Variants in AFF3 observed in about 807,000 individuals in gnomAD.
AFF3 encodes ALF transcription elongation factor 3, also known as AF4/FMR2 family member 3.
Under a neutral mutation model 129.7 loss-of-function variants are expected in AFF3, and 32 were observed. The ratio of observed to expected loss-of-function variants is 0.25; its 90% CI spans 0.19 to 0.33. The LOEUF is 0.33. AFF3 is among the 10% of genes least tolerant of loss of function. The pLI is 1.00. For missense variants in AFF3, 1,373 were observed against 1,592.0 expected (o/e 0.86, Z 2.34); for synonymous variants, 644 against 635.4 (o/e 1.01, Z -0.20).
chr2:100,119,028 CT>C (rs1229109577), intron 2 of AFF3, among the ~76,000 whole-genome samples: 2 of 152,158 alleles, frequency 1.3e-5, no homozygotes, highest in African/African-American at 4.8e-5. Flanking sequence ...CATGAACCCC[CT>C]GACCTCAGGT....
At chr2:99,620,861 T>G (rs1681932355) in intron 13 of AFF3, among the ~76,000 whole-genome samples, 1 of 152,246 alleles carries the variant, frequency 6.6e-6, no homozygotes, top group East Asian at 1.9e-4. Flanking sequence ...CCTCCTCCTC[T>G]TCTCCCTCTT....
chr2:99,584,329 G>A (rs1677878245), intron 16 of AFF3, among the ~76,000 whole-genome samples: 2 of 152,218 alleles, frequency 1.3e-5, no homozygotes, highest in South Asian at 4.1e-4. Flanking sequence ...TTAGCCGGGT[G>A]TGGTGGCGCA....
chr2:99,592,307 C>T (rs1295199719), intron 15 of AFF3, among the ~76,000 whole-genome samples: 1 of 152,194 alleles, frequency 6.6e-6, no homozygotes, highest in Admixed American at 6.5e-5. Flanking sequence ...AATATCCCTC[C>T]TCTACAGAGC....
At chr2:99,647,456 C>T (rs6749222) in intron 13 of AFF3, among the ~76,000 whole-genome samples, 6 of 151,920 alleles carry the variant, frequency 3.9e-5, no homozygotes, top group African/African-American at 9.7e-5. Context: ...AGACCCATGA[C>T]GGGGAAACAC....
intron 4 of AFF3, among the ~76,000 whole-genome samples, chr2:100,045,334 A>G (rs996865092): frequency 6.6e-6 from 1 of 152,174 alleles, no homozygotes; most frequent in African/African-American, 2.4e-5. Context: ...TCTGCCTCTA[A>G]GAGGCACAGA....
chr2:99,923,489 T>G (rs1375256553), intron 7 of AFF3, among the ~76,000 whole-genome samples: 2 of 152,206 alleles, frequency 1.3e-5, no homozygotes, highest in Non-Finnish European at 2.9e-5. Context: ...GAGCCACAAT[T>G]GCAAGCTCTA....
At chr2:100,070,358 T>A (rs1292505549) in intron 4 of AFF3, among the ~76,000 whole-genome samples, 1 of 152,350 alleles carries the variant, frequency 6.6e-6, no homozygotes, top group Admixed American at 6.5e-5. Flanking sequence ...GAAACCATCG[T>A]TGCTATAATT....
intron 7 of AFF3, among the ~76,000 whole-genome samples, chr2:99,851,374 A>G (rs1333882021): frequency 1.3e-5 from 2 of 152,228 alleles, no homozygotes; most frequent in African/African-American, 2.4e-5. Flanking sequence ...TGGTTTCTCA[A>G]GTCTTCCCTG....
intron 7 of AFF3, among the ~76,000 whole-genome samples, chr2:99,955,714 C>G (rs1676577489): frequency 6.6e-6 from 1 of 152,120 alleles, no homozygotes; most frequent in Non-Finnish European, 1.5e-5. Flanking sequence ...GAATAATTAT[C>G]AGGCCAAATT....
At chr2:99,677,580 C>T (rs1033137085) in intron 11 of AFF3, among the ~76,000 whole-genome samples, 7 of 152,172 alleles carry the variant, frequency 4.6e-5, no homozygotes, top group African/African-American at 1.7e-4. Context: ...GGGTTATGAG[C>T]CCCCAGCTGC....
At chr2:99,802,293 TAGG>T (rs59410057) in intron 8 of AFF3, among the ~76,000 whole-genome samples, 6,483 of 152,296 alleles carry the variant, frequency 0.043, 196 homozygotes, top group East Asian at 0.13. Context: ...CATCTGGATG[TAGG>T]AAAAGGAGAC....
intron 7 of AFF3, among the ~76,000 whole-genome samples, chr2:99,844,336 T>C (rs1007709900): frequency 2.6e-5 from 4 of 152,094 alleles, no homozygotes; most frequent in African/African-American, 9.7e-5. Flanking sequence ...TCACCTCTAT[T>C]TGGCTCTGTA....
intron 2 of AFF3, among the ~76,000 whole-genome samples, chr2:100,115,848 G>T (rs780502354): frequency 1.2e-4 from 19 of 152,030 alleles, no homozygotes; most frequent in Non-Finnish European, 2.2e-4. Context: ...GGGTATTTTT[G>T]CCAGGTTTAA....
At chr2:99,891,442 A>G (rs1034901032) in intron 7 of AFF3, among the ~76,000 whole-genome samples, 1 of 152,216 alleles carries the variant, frequency 6.6e-6, no homozygotes, top group African/African-American at 2.4e-5. Flanking sequence ...AGACATGATC[A>G]GTAAAGAAGC....
At chr2:99,974,031 A>AT in intron 7 of AFF3, among the ~76,000 whole-genome samples, 1 of 152,276 alleles carries the variant, frequency 6.6e-6, no homozygotes, top group South Asian at 2.1e-4. Context: ...TTCACCTGTG[A>AT]TTTTCTGAGC....
chr2:99,627,654 TA>T (rs1558664716), intron 13 of AFF3, among the ~76,000 whole-genome samples: 1 of 152,210 alleles, frequency 6.6e-6, no homozygotes, highest in African/African-American at 2.4e-5. Context: ...TGCCCATTCA[TA>T]TGACCAGAAT....
chr2:99,752,294 G>A lies in AFF3; in HGVS notation c.929C>T (p.Thr310Ile), dbSNP rs746643291. Residue 310 changes from threonine to isoleucine, a missense_variant, in exon 9 of 25, where the codon ACC becomes ATC. Around this residue, in one of 9 missense-constraint regions of AFF3, gnomAD observed 413 missense variants for 424.4 expected, o/e 0.97. Coordinates refer to ENST00000672756, the MANE Select transcript of AFF3 (RefSeq NM_001386135.1). Reference sequence around the variant, plus strand: ...AATAGCAGAAAGTGGTGGAAGCCAGGTCATCTCCTGAAGGACGGGATAAAA... The same window carrying A: ...AATAGCAGAAAGTGGTGGAAGCCAGATCATCTCCTGAAGGACGGGATAAAA... ...SCVEEIIREMTWLPPLSAIQA... is the reference protein window; with the variant it reads ...SCVEEIIREMIWLPPLSAIQA... 73 of 1,613,566 alleles carry A rather than the reference G, an allele frequency of 4.5e-5. No individual in the cohort carries two copies. The highest frequency in any genetic ancestry group is 6.0e-5 in the Non-Finnish European group (71 of 1,179,688).
chr2:99,947,787 T>C (rs548179682), intron 7 of AFF3, among the ~76,000 whole-genome samples: 18 of 152,178 alleles, frequency 1.2e-4, no homozygotes, highest in African/African-American at 4.3e-4. Flanking sequence ...ATGCACATGA[T>C]TCTGGTGTGT....
rs780233607 is a variant in AFF3, at chr2:99,593,737, G to C, written c.1924C>G (p.Arg642Gly). Residue 642 changes from arginine (R) to glycine (G), a missense_variant, in exon 15 of 25, where the codon CGC becomes GGC. Physicochemically the swap from Arg to Gly is moderately radical, Grantham distance 125. Transcript: ENST00000672756. ...NNRASHRKEL[R>G]SSVTCEKRRT... ...CGCTTCTCGCAGGTCACGGAGGAGC[G>C]CAGCTCCTTGCGGTGGCTCGCTCTG... The C allele has an allele frequency of 1.9e-6, 3 of 1,612,884 alleles. No homozygotes were observed. In the East Asian group the frequency reaches 6.7e-5, roughly 36 times the overall value.
Sources: allele counts gnomAD v4.1 joint callset (sites outside exome capture counted in the v4.1 genomes callset), GRCh38; gene constraint gnomAD v4.1.1; regional missense constraint gnomAD v4.1.1; transcripts MANE v1.5; gene names NCBI Gene and HGNC (gene_info 2026-07-23, HGNC 2026-07-21).